The following MATN1 variants were observed in gnomAD, a reference collection of about 807,000 sequenced individuals.
MATN1 encodes the protein matrilin-1.
MATN1 carries 34 observed loss-of-function variants against 41.3 expected under a neutral mutation model. The observed-to-expected ratio is 0.82, with a 90% CI of 0.63 to 1.10. The LOEUF is 1.10. MATN1 is among the 50% of genes least tolerant of loss of function. The pLI is 0.00. For missense variants in MATN1, 602 were observed against 662.4 expected (o/e 0.91, Z 1.00); for synonymous variants, 264 against 278.7 (o/e 0.95, Z 0.53).
At position 30,716,295 on chromosome 1, in the gene MATN1, G is replaced by C; in HGVS notation, c.821C>G (p.Thr274Ser). The change falls in exon 5 of 8, where the codon ACT becomes AGT. Residue 274 changes from threonine (T) to serine (S), a missense_variant. Transcript: ENST00000373765. ...TCCGTCAATGAGGAAGACCAGGTCA[G>C]TGGCCGAGCTGCCACCACCACCACT... The part of the protein sequence containing the change: ...VCSGGGGSSA[T>S]DLVFLIDGSK... 1 of 1,614,022 alleles carries C rather than the reference G, an allele frequency of 6.2e-7. No individual in the cohort carries two copies. Among genetic ancestry groups the C allele is most frequent in the Non-Finnish European group, 8.5e-7 (1 of 1,179,936 alleles).
rs776855583 is a variant in MATN1 at position 30,716,137 on chromosome 1, A to C, written c.979T>G (p.Phe327Val). Reference sequence around the variant, plus strand: ...TTGGTGTGGAAGCGACCCAGGGGGAACTCCTGGCGCACAGAGCTTGAGTAC... The same window carrying C: ...TTGGTGTGGAAGCGACCCAGGGGGACCTCCTGGCGCACAGAGCTTGAGTAC... Reference protein sequence around the residue: ...VQYSSSVRQEFPLGRFHTKKD... With the variant: ...VQYSSSVRQEVPLGRFHTKKD... Residue 327 changes from phenylalanine to valine, a missense_variant, in exon 5 of 8, where the codon TTC becomes GTC. Physicochemically the swap from Phe to Val is conservative, Grantham distance 50. Coordinates refer to ENST00000373765, the MANE Select transcript of MATN1 (RefSeq NM_002379.3). The C allele has an allele frequency of 1.5e-5, 24 of 1,614,094 alleles. No homozygotes were observed. The highest frequency in any genetic ancestry group is 1.9e-5 in the Non-Finnish European group (23 of 1,180,004).
At position 30,723,569 on chromosome 1, in the gene MATN1, C is replaced by T; in HGVS notation, c.-18G>A. 1.3e-6 allele frequency: 2 copies of T among 1,524,000 alleles called. No homozygotes were observed. Among genetic ancestry groups the T allele is most frequent in the Non-Finnish European group, 1.8e-6 (2 of 1,131,390 alleles). The allele number at this position is 1,524,000 out of a possible 1,614,324, so 94.4% of individuals were successfully genotyped here. A position where few individuals can be genotyped will look rare whatever the true frequency, so the allele number is the denominator to read the frequency against. On this transcript the variant is annotated 5_prime_UTR_variant, in exon 1 of 8. Coordinates refer to ENST00000373765, the MANE Select transcript of MATN1 (RefSeq NM_002379.3). ...ACCCTCATAGTTCTGGCAGCACGGGCAGCAGCCGGCACGGTTGTGGGACCA... is the reference window on the plus strand; with the variant it reads ...ACCCTCATAGTTCTGGCAGCACGGGTAGCAGCCGGCACGGTTGTGGGACCA...
At chr1:30,716,397 C>T in intron 4 of MATN1, 72 bp from the exon 5 acceptor site, 1 of 1,448,522 alleles carries the variant, frequency 6.9e-7, no homozygotes, top group South Asian at 1.3e-5. Flanking sequence ...CGGCTGGACA[C>T]CCACCACACA....
chr1:30,715,922 C>T lies in MATN1; in HGVS notation c.1194G>A (p.Lys398=), dbSNP rs767873917. The change falls in exon 5 of 8, where the codon AAG becomes AAA. Residue 398 remains lysine, a synonymous_variant. Transcript: ENST00000373765. ...SQDYINDAAK[K]AKDLGFKMFA... ...GGCAACACCTACCGAGGTCTTTGGC[C>T]TTCTTGGCAGCATCATTAATGTAGT... The T allele has an allele frequency of 6.2e-7, 1 of 1,613,126 alleles. No homozygotes were observed. The highest frequency in any genetic ancestry group is 1.1e-5 in the South Asian group (1 of 91,038).
chr1:30,718,611 TG>T, intron 3 of MATN1, 123 bp downstream of exon 3: 2 of 41,058 alleles, frequency 4.9e-5, no homozygotes, highest in Non-Finnish European at 8.4e-5. Context: ...GCCCCGCCCC[TG>T]CCCTGCGCCG....
In MATN1 at chr1:30,713,773, A is replaced by G. The variant is rs115583202; in HGVS notation, c.1442-142T>C. On this transcript the variant is annotated intron_variant, in intron 7 of 7. Transcript: ENST00000373765. ...AACTTATCCATCCACTGTCCTCAGA[A>G]TGGTGCTTTCCAAAAAACACAGCCA... 1.7e-3 allele frequency: 1,195 copies of G among 710,816 alleles called. 19 individuals carry two copies. The African/African-American group carries it at 0.019, about 12-fold the overall frequency. 44.0% of individuals were successfully genotyped at this position (710,816 alleles called of 1,614,324 possible). A position where few individuals can be genotyped will look rare whatever the true frequency, so the allele number is the denominator to read the frequency against.
chr1:30,714,363 C>A, intron 6 of MATN1, 36 bp from the exon 7 acceptor site: 1 of 1,547,020 alleles, frequency 6.5e-7, no homozygotes, highest in Non-Finnish European at 8.9e-7. Context: ...GAGAAAGGAA[C>A]TGTTGAGTGG....
At position 30,715,800 on chromosome 1, in the gene MATN1, T is replaced by G. The variant is rs759780004; in HGVS notation, c.1207+109A>C. On this transcript the variant is annotated intron_variant, in intron 5 of 7. Coordinates refer to ENST00000373765, the MANE Select transcript of MATN1 (RefSeq NM_002379.3). ...CCAATCCTCCTCATTCAAACTCACCTGGGTTTAGGGCACTAATCAGACGAC... is the reference window on the plus strand; with the variant it reads ...CCAATCCTCCTCATTCAAACTCACCGGGGTTTAGGGCACTAATCAGACGAC... The G allele has an allele frequency of 5.4e-5, 61 of 1,136,180 alleles. No individual in the cohort carries two copies. The East Asian group carries it at 1.3e-3, about 25-fold the overall frequency. 70.4% of individuals were successfully genotyped at this position (1,136,180 alleles called of 1,614,324 possible). A position where few individuals can be genotyped will look rare whatever the true frequency, so the allele number is the denominator to read the frequency against.
intron 5 of MATN1, 125 bp downstream of exon 5, chr1:30,715,784 C>A: frequency 1.1e-6 from 1 of 946,294 alleles, no homozygotes; most frequent in Non-Finnish European, 1.5e-6. Flanking sequence ...ACCAATCCTC[C>A]TCATTCAAAC....
At chr1:30,716,473 TG>T in intron 4 of MATN1, 148 bp from the exon 5 acceptor site, 1 of 819,068 alleles carries the variant, frequency 1.2e-6, no homozygotes, top group Non-Finnish European at 1.9e-6. Context: ...CCAAGGTGAC[TG>T]GTCCCACTGT....
rs989950341 is a variant in MATN1 at position 30,723,516 on chromosome 1, G to A, written c.36C>T (p.Cys12=). 6.5e-7 allele frequency: 1 copy of A among 1,535,808 alleles called. No individual in the cohort carries two copies. Among genetic ancestry groups the A allele is most frequent in the Non-Finnish European group, 8.8e-7 (1 of 1,140,376 alleles). The change falls in exon 1 of 8, where the codon TGC becomes TGT. Residue 12 remains cysteine, a synonymous_variant. Transcript: ENST00000373765. The part of the protein sequence containing the change: ...RVLSGTSLML[C]SLLLLLQALC... ...GGGCCTGGAGCAGCAGCAGCAGGCT[G>A]CAGAGCATGAGGCTAGTGCCAGAGA...
intron 2 of MATN1, 93 bp from the exon 3 acceptor site, chr1:30,719,050 G>A: frequency 1.9e-6 from 2 of 1,039,724 alleles, no homozygotes; most frequent in Non-Finnish European, 2.6e-6. Context: ...CGGGAGGACT[G>A]CCGGGTCGCA....
intron 1 of MATN1, 66 bp from the exon 2 acceptor site, chr1:30,721,817 C>T (rs1639699849): frequency 1.5e-6 from 2 of 1,352,278 alleles, no homozygotes; most frequent in African/African-American, 2.8e-5. Context: ...GGCCTGAACA[C>T]ACAGAGTGCG....
chr1:30,718,138 G>A (rs958624196), intron 3 of MATN1, among the ~76,000 whole-genome samples: 2 of 151,028 alleles, frequency 1.3e-5, no homozygotes, highest in Non-Finnish European at 3.0e-5. Context: ...CCCTGATGTT[G>A]CCGTGTAACT....
intron 7 of MATN1, 189 bp downstream of exon 7, chr1:30,714,058 T>C (rs1639586977): frequency 6.6e-6 from 4 of 609,074 alleles, no homozygotes; most frequent in Non-Finnish European, 1.2e-5. Flanking sequence ...GTTTACCTTC[T>C]AGGAGTCTCT....
At chr1:30,721,209 G>T in intron 2 of MATN1, 196 bp downstream of exon 2, 1 of 603,252 alleles carries the variant, frequency 1.7e-6, no homozygotes. Flanking sequence ...GGGTAAAGGT[G>T]GCTTCAAATC....
intron 2 of MATN1, chr1:30,720,710 A>G (rs1488031611): frequency 6.6e-6 from 1 of 152,554 alleles, no homozygotes; most frequent in Admixed American, 6.5e-5. Flanking sequence ...GTGCCACAGG[A>G]ACAGAGGACA....
At position 30,716,242 on chromosome 1, in the gene MATN1, C is replaced by A; in HGVS notation, c.874G>T (p.Glu292Ter). 6.2e-7 allele frequency: 1 copy of A among 1,614,192 alleles called. No individual in the cohort carries two copies. The highest frequency in any genetic ancestry group is 1.1e-5 in the South Asian group (1 of 91,084). ...GSKSVRPENF[E>*]LVKKFISQIV... ...TGACTGATGAACTTCTTCACCAGCT[C>A]AAAGTTCTCTGGCCTCACACTCTTG... The change falls in exon 5 of 8, where the codon GAG becomes TAG. Residue 292 changes from glutamate (E) to a stop codon, truncating the protein, a stop_gained. Transcript: ENST00000373765. LOFTEE classifies it high-confidence loss of function.
chr1:30,720,523 C>G (rs1639682997), intron 2 of MATN1: 1 of 152,452 alleles, frequency 6.6e-6, no homozygotes, highest in African/African-American at 2.4e-5. Flanking sequence ...GTTTCACCAT[C>G]TGTAAAATGG....
Sources: allele counts gnomAD v4.1 joint callset (sites outside exome capture counted in the v4.1 genomes callset), GRCh38; gene constraint gnomAD v4.1.1; transcripts MANE v1.5; gene names NCBI Gene and HGNC (gene_info 2026-07-23, HGNC 2026-07-21).